CRY2: variants seen among roughly 807,000 people sequenced by gnomAD.
CRY2 encodes the protein cryptochrome-2.
In CRY2, 31 loss-of-function variants were observed where a neutral mutation model predicts 69.5. The ratio of observed to expected loss-of-function variants is 0.45; its 90% CI spans 0.34 to 0.60. The LOEUF (loss-of-function observed/expected upper bound fraction) is 0.60, where lower values mean the gene tolerates loss of function less well. CRY2 is among the 20% of genes least tolerant of loss of function. The pLI is 0.02. For missense variants in CRY2, 606 were observed against 797.8 expected (o/e 0.76, Z 2.90); for synonymous variants, 303 against 312.2 (o/e 0.97, Z 0.31).
chr11:45,868,350 T>C (rs541508367), intron 6 of CRY2, among the ~76,000 whole-genome samples: 142 of 152,366 alleles, frequency 9.3e-4, no homozygotes, highest in African/African-American at 3.2e-3. Context: ...TTTTTGTTTC[T>C]GTTGTTTATT....
At chr11:45,868,268 T>C (rs919518093) in intron 6 of CRY2, among the ~76,000 whole-genome samples, 1 of 152,154 alleles carries the variant, frequency 6.6e-6, no homozygotes, top group Non-Finnish European at 1.5e-5. Flanking sequence ...TAAGCCTGTG[T>C]TAACTGTCCC....
intron 5 of CRY2, chr11:45,867,397 C>T: frequency 1.8e-6 from 1 of 567,578 alleles, no homozygotes; most frequent in Non-Finnish European, 3.1e-6. Context: ...CACAGTCACC[C>T]CACAAATTAA....
chr11:45,852,956 G>A (rs2086208941), intron 1 of CRY2, among the ~76,000 whole-genome samples: 5 of 152,238 alleles, frequency 3.3e-5, no homozygotes, highest in Admixed American at 3.3e-4. Context: ...AGATCTGGCA[G>A]CAGAGGTGTT....
chr11:45,869,407 T>G, intron 6 of CRY2, 99 bp from the exon 7 acceptor site: 1 of 1,301,954 alleles, frequency 7.7e-7, no homozygotes, highest in Non-Finnish European at 1.1e-6. Context: ...AGCCACTAGG[T>G]CTTTGGAGGG....
chr11:45,876,558 G>A (rs1356462218), intron 11 of CRY2, among the ~76,000 whole-genome samples: 2 of 152,118 alleles, frequency 1.3e-5, no homozygotes, highest in African/African-American at 4.8e-5. Context: ...TTTTGCCATG[G>A]GGAGAACAGC....
Position 45,862,106 on chromosome 11 carries a change from GAC to G in CRY2, c.701_702del (p.Thr234ArgfsTer8). ...LGPAVWQGGE[T>X]EALARLDKHL... ...GTCCAGCTGTCTGGCAGGGAGGAGA[GAC>G]AGAAGCTCTGGCCCGCCTGGATAAG... On this transcript the variant is annotated frameshift_variant, in exon 5 of 12. Coordinates refer to ENST00000616080, the MANE Select transcript of CRY2 (RefSeq NM_021117.5). LOFTEE classifies it high-confidence loss of function. 6.2e-7 allele frequency: 1 copy of G among 1,614,034 alleles called. No individual in the cohort carries two copies. The highest frequency in any genetic ancestry group is 1.6e-4 in the Middle Eastern group (1 of 6,062).
rs746793715 is a variant in CRY2, at chr11:45,858,772, A to T, written c.366A>T (p.Glu122Asp). 1 of 1,614,080 alleles carries T rather than the reference A, an allele frequency of 6.2e-7. No homozygotes were observed. The highest frequency in any genetic ancestry group is 8.5e-7 in the Non-Finnish European group (1 of 1,180,000). Residue 122 changes from glutamate to aspartate, a missense_variant, in exon 3 of 12, where the codon GAA (glutamate) becomes GAT (aspartate). Physicochemically the swap from Glu to Asp is conservative, Grantham distance 45 (BLOSUM62 2). Coordinates refer to ENST00000616080, the MANE Select transcript of CRY2 (RefSeq NM_021117.5). ...VTRLTFEYDS[E>D]PFGKERDAAI... ...GCTTGACCTTTGAATATGACTCTGA[A>T]CCCTTTGGGAAAGAACGGGATGCAG...
intron 1 of CRY2, among the ~76,000 whole-genome samples, chr11:45,851,288 G>T (rs36103144): frequency 0.025 from 3,764 of 152,298 alleles, 60 homozygotes; most frequent in South Asian, 0.064. Context: ...GCTCTGTGCT[G>T]CGCCTCTTTC....
In CRY2 at chr11:45,864,648, A is replaced by T. The variant is rs1031511513; in HGVS notation, c.741+2500A>T. Among the ~76,000 whole-genome samples the T allele has an allele frequency of 3.3e-5, 5 of 151,948 alleles. 1 individual carries two copies. Among genetic ancestry groups the T allele is most frequent in the Admixed American group, 3.3e-4 (5 of 15,262 alleles). On this transcript the variant is annotated intron_variant, in intron 5 of 11. Transcript: ENST00000616080. ...TTTGGGAGGCCGAGGCAGGTGGAGCACTTGAAGTCAGGAGTTCGAGACCAG... is the reference window on the plus strand; with the variant it reads ...TTTGGGAGGCCGAGGCAGGTGGAGCTCTTGAAGTCAGGAGTTCGAGACCAG...
At chr11:45,848,632 T>C (rs972827611) in intron 1 of CRY2, among the ~76,000 whole-genome samples, 1 of 152,196 alleles carries the variant, frequency 6.6e-6, no homozygotes, top group Admixed American at 6.5e-5. Flanking sequence ...CTGTAAACAG[T>C]ATTCAAACTA....
Position 45,847,553 on chromosome 11 carries a change from C to G in CRY2, c.63C>G (p.Ser21Arg), listed in dbSNP as rs1476078604. ...VAPAPAPGTD[S>R]ASSVHWFRKG... Reference sequence around the variant, plus strand: ...CGGCGCCAGCGCCCGGCACGGACAGCGCCTCTTCGGTGCACTGGTTCCGCA... The same window carrying G: ...CGGCGCCAGCGCCCGGCACGGACAGGGCCTCTTCGGTGCACTGGTTCCGCA... Residue 21 changes from serine (S) to arginine (R), a missense_variant, in exon 1 of 12, where the codon AGC (serine) becomes AGG (arginine). Coordinates refer to ENST00000616080, the MANE Select transcript of CRY2 (RefSeq NM_021117.5). The G allele has an allele frequency of 1.9e-6, 3 of 1,592,434 alleles. No homozygotes were observed. Among genetic ancestry groups the G allele is most frequent in the African/African-American group, 1.3e-5 (1 of 74,894 alleles).
rs374500103 is a variant in CRY2, at chr11:45,861,050, A to G, written c.652+18A>G. On this transcript the variant is annotated intron_variant, in intron 4 of 11. Coordinates refer to ENST00000616080, the MANE Select transcript of CRY2 (RefSeq NM_021117.5). ...GGAGCTGGGTGCGTACTTCCTGCCC[A>G]GAGCCACTTGTGCTGGTGCCTGCTT... The G allele has an allele frequency of 1.2e-5, 19 of 1,601,686 alleles. No individual in the cohort carries two copies. Among genetic ancestry groups the G allele is most frequent in the Non-Finnish European group, 1.5e-5 (18 of 1,173,262 alleles).
rs1554957522 is a variant in CRY2 at position 45,860,397 on chromosome 11, A to AAC, written c.468-450_468-449insCA. Among the ~76,000 whole-genome samples, 167 of 151,786 alleles carry AAC rather than the reference A, an allele frequency of 1.1e-3. 2 individuals are homozygous for AAC. The highest frequency in any genetic ancestry group is 3.6e-3 in the African/African-American group (148 of 41,434). ...TATGATGTTAGAGTTAAAAAAAAAA[A>AAC]AAAAAAAAACATGTCTTCAGCTCTT... On this transcript the variant is annotated intron_variant, in intron 3 of 11. Coordinates refer to ENST00000616080, the MANE Select transcript of CRY2 (RefSeq NM_021117.5).
rs527533332 is a variant in CRY2 at position 45,855,479 on chromosome 11, C to T, written c.216-503C>T. ...ATACCACAGTATTGCACTGGCTTTT[C>T]AGATGGCTCCCACGTGAGTCTCACA... On this transcript the variant is annotated intron_variant, in intron 1 of 11. Transcript: ENST00000616080. Among the ~76,000 whole-genome samples the T allele has an allele frequency of 2.0e-5, 3 of 152,302 alleles. No homozygotes were observed. In the South Asian group the frequency reaches 6.2e-4, roughly 32 times the overall value.
intron 3 of CRY2, 80 bp from the exon 4 acceptor site, chr11:45,860,768 T>A (rs1273884612): frequency 6.7e-7 from 1 of 1,494,936 alleles, no homozygotes; most frequent in African/African-American, 1.4e-5. Flanking sequence ...GCCTTCAGAG[T>A]CTGGGTTCTT....
chr11:45,860,625 A>G (rs940098266), intron 3 of CRY2, among the ~76,000 whole-genome samples: 7 of 151,968 alleles, frequency 4.6e-5, no homozygotes. Context: ...GCCTTGCTCC[A>G]TTACTGAGGC....
intron 1 of CRY2, among the ~76,000 whole-genome samples, chr11:45,852,300 A>G (rs1408610244): frequency 6.6e-6 from 1 of 152,236 alleles, no homozygotes; most frequent in Non-Finnish European, 1.5e-5. Context: ...TGCCCAGGCC[A>G]GTTTCCTTCA....
At chr11:45,879,604 T>C (rs2086452542) in intron 11 of CRY2, among the ~76,000 whole-genome samples, 1 of 152,272 alleles carries the variant, frequency 6.6e-6, no homozygotes, top group Non-Finnish European at 1.5e-5. Flanking sequence ...GGATTTCCTT[T>C]TTTGGCTCTG....
intron 5 of CRY2, among the ~76,000 whole-genome samples, chr11:45,866,114 T>A (rs1379947757): frequency 6.6e-6 from 1 of 152,204 alleles, no homozygotes; most frequent in African/African-American, 2.4e-5. Flanking sequence ...CTTGGGCAGC[T>A]AGGTAGCTAG....
Sources: allele counts gnomAD v4.1 joint callset (sites outside exome capture counted in the v4.1 genomes callset), GRCh38; gene constraint gnomAD v4.1.1; transcripts MANE v1.5; gene names NCBI Gene and HGNC (gene_info 2026-07-23, HGNC 2026-07-21).